Variants in CHD7 observed in about 807,000 individuals in gnomAD.
The protein encoded by CHD7 is ATP-dependent chromatin remodeler CHD7.
CHD7 carries 24 observed loss-of-function variants against 307.3 expected under a neutral mutation model. The ratio of observed to expected loss-of-function variants is 0.08; its 90% CI spans 0.06 to 0.11. CHD7 has a LOEUF of 0.11. Among genes scored for constraint, CHD7 ranks in the 10% least tolerant of loss-of-function variants. The pLI, the probability that CHD7 is intolerant of heterozygous loss-of-function variation, is 1.00. For synonymous variants in CHD7, 1,363 were observed against 1,349.9 expected (o/e 1.01, Z -0.21); for missense variants, 3,106 against 3,727.1 (o/e 0.83, Z 4.34).
intron 1 of CHD7, among the ~76,000 whole-genome samples, chr8:60,735,293 C>T (rs893035775): frequency 1.8e-4 from 28 of 152,262 alleles, no homozygotes; most frequent in African/African-American, 5.5e-4. Context: ...TAACATAAGG[C>T]GTAGCGTTGC....
At chr8:60,803,233 A>G (rs534260992) in intron 6 of CHD7, among the ~76,000 whole-genome samples, 3 of 152,326 alleles carry the variant, frequency 2.0e-5, no homozygotes, top group African/African-American at 7.2e-5. Flanking sequence ...AGTAAATAGC[A>G]TGTCGTTTAG....
rs751274906 is a variant in CHD7, at chr8:60,861,170, G to A, written c.7830+45G>A. The A allele has an allele frequency of 8.4e-6, 12 of 1,432,086 alleles. No individual in the cohort carries two copies. In the South Asian group the frequency reaches 1.5e-4, roughly 18 times the overall value. 88.7% of individuals were successfully genotyped at this position (1,432,086 alleles called of 1,614,324 possible). On this transcript the variant is annotated intron_variant, in intron 35 of 37. Coordinates refer to ENST00000423902, the MANE Select transcript of CHD7 (RefSeq NM_017780.4). ...GAGTTGGAAGGAATCTTGCAGGCCG[G>A]TCCACTTCATTCCCTTACAACATAG... is the stretch of plus-strand genomic sequence containing the variant.
chr8:60,839,449 G>A (rs2150781899), intron 19 of CHD7, among the ~76,000 whole-genome samples: 1 of 152,298 alleles, frequency 6.6e-6, no homozygotes, highest in Admixed American at 6.5e-5. Flanking sequence ...TATACCAGGA[G>A]TGGAATTGCT....
At chr8:60,819,787 C>A (rs974355995) in intron 8 of CHD7, among the ~76,000 whole-genome samples, 1 of 152,186 alleles carries the variant, frequency 6.6e-6, no homozygotes, top group Admixed American at 6.5e-5. Flanking sequence ...AGGTTTCACA[C>A]GGTAATTAAA....
intron 3 of CHD7, among the ~76,000 whole-genome samples, chr8:60,790,811 A>C (rs1004836096): frequency 6.6e-6 from 1 of 152,096 alleles, no homozygotes; most frequent in African/African-American, 2.4e-5. Context: ...GTTACCACCA[A>C]CTTTTGTGTA....
chr8:60,844,109 GC>G (rs1805094484), intron 21 of CHD7, among the ~76,000 whole-genome samples: 1 of 152,224 alleles, frequency 6.6e-6, no homozygotes, highest in Non-Finnish European at 1.5e-5. Context: ...GCTGCTGCCT[GC>G]CCCCGTACCT....
intron 7 of CHD7, among the ~76,000 whole-genome samples, chr8:60,812,483 C>T (rs4413811): frequency 0.067 from 10,226 of 151,830 alleles, 449 homozygotes; most frequent in South Asian, 0.11. Context: ...GCCAACATAG[C>T]GAAACCCCAT....
chr8:60,757,348 C>A (rs1466210002), intron 2 of CHD7, among the ~76,000 whole-genome samples: 1 of 152,180 alleles, frequency 6.6e-6, no homozygotes, highest in East Asian at 1.9e-4. Context: ...CAGTGCAATT[C>A]TAGAATCATA....
At chr8:60,827,170 G>T (rs1473532910) in intron 13 of CHD7, among the ~76,000 whole-genome samples, 1 of 151,758 alleles carries the variant, frequency 6.6e-6, no homozygotes, top group Non-Finnish European at 1.5e-5. Flanking sequence ...AGTGGGTGCA[G>T]CGCACCAGCA....
intron 2 of CHD7, among the ~76,000 whole-genome samples, chr8:60,757,335 G>A (rs2150609588): frequency 6.6e-6 from 1 of 152,136 alleles, no homozygotes; most frequent in South Asian, 2.1e-4. Flanking sequence ...GACTACTATT[G>A]GACAGTGCAA....
Position 60,741,676 on chromosome 8 carries a change from C to G in CHD7, c.244C>G (p.Leu82Val). ...TCAGTATGAACAACAAAAGATGCAT[C>G]TGATGGATCAGCCGAACAGAATGAT... ...YNQYEQQKMH[L>V]MDQPNRMMSN... is the part of the protein sequence containing the mutation. Residue 82 changes from leucine to valine, a missense_variant, in exon 2 of 38, where the codon CTG becomes GTG. This residue lies in a region of CHD7 where 998 missense variants were observed against 1,004.5 expected (regional missense o/e 0.99). Coordinates refer to ENST00000423902, the MANE Select transcript of CHD7 (RefSeq NM_017780.4). 6.2e-7 allele frequency: 1 copy of G among 1,613,986 alleles called. No homozygotes were observed. Among genetic ancestry groups the G allele is most frequent in the Non-Finnish European group, 8.5e-7 (1 of 1,179,872 alleles).
At chr8:60,862,947 G>A in intron 37 of CHD7, 1 of 338,480 alleles carries the variant, frequency 3.0e-6, no homozygotes, top group Non-Finnish European at 5.4e-6. Flanking sequence ...CAGCTCACCT[G>A]TGGAATAGGA....
At chr8:60,857,946 G>C (rs557850557) in intron 34 of CHD7, among the ~76,000 whole-genome samples, 16 of 152,352 alleles carry the variant, frequency 1.1e-4, no homozygotes, top group Admixed American at 7.8e-4. Context: ...GAAGCATTCA[G>C]GTGGCTAAGA....
chr8:60,713,929 C>T (rs1807411066), intron 1 of CHD7, among the ~76,000 whole-genome samples: 1 of 152,162 alleles, frequency 6.6e-6, no homozygotes, highest in South Asian at 2.1e-4. Context: ...CTCCCGCTCC[C>T]ACTCCCAATC....
At chr8:60,773,055 C>T (rs1446202733) in intron 2 of CHD7, among the ~76,000 whole-genome samples, 2 of 152,200 alleles carry the variant, frequency 1.3e-5, no homozygotes, top group East Asian at 1.9e-4. Flanking sequence ...AACAATATCA[C>T]CCACCTCACC....
intron 1 of CHD7, among the ~76,000 whole-genome samples, chr8:60,681,845 C>T (rs1258269625): frequency 1.3e-5 from 2 of 151,934 alleles, no homozygotes; most frequent in Admixed American, 1.3e-4. Flanking sequence ...TGAATTGTAT[C>T]CTGGGTCTAT....
rs536630227 is a variant in CHD7, at chr8:60,800,284, G to A, written c.2239-104G>A. The A allele has an allele frequency of 7.5e-5, 84 of 1,118,328 alleles. No individual in the cohort carries two copies. In the African/African-American group the frequency reaches 1.2e-3, roughly 15 times the overall value. The allele number at this position is 1,118,328 out of a possible 1,614,324, so 69.3% of individuals were successfully genotyped here. ...CCTGACCTTGTGATCCGCCCGCCTC[G>A]GCCTCCCAAAGTGCTGGGATTACAG... On this transcript the variant is annotated intron_variant, in intron 4 of 37. Coordinates refer to ENST00000423902, the MANE Select transcript of CHD7 (RefSeq NM_017780.4).
chr8:60,854,782 T>G (rs569920161), intron 32 of CHD7, among the ~76,000 whole-genome samples: 6 of 152,318 alleles, frequency 3.9e-5, no homozygotes, highest in African/African-American at 1.2e-4. Context: ...GGATTGATCT[T>G]TGGCTCCATG....
At chr8:60,764,243 C>T (rs984339009) in intron 2 of CHD7, among the ~76,000 whole-genome samples, 7 of 152,184 alleles carry the variant, frequency 4.6e-5, no homozygotes, top group Non-Finnish European at 1.0e-4. Flanking sequence ...CCCGCCTCGG[C>T]CTCCCAAAGT....
Sources: allele counts gnomAD v4.1 joint callset (sites outside exome capture counted in the v4.1 genomes callset), GRCh38; gene constraint gnomAD v4.1.1; regional missense constraint gnomAD v4.1.1; transcripts MANE v1.5; gene names NCBI Gene and HGNC (gene_info 2026-07-23, HGNC 2026-07-21).